The following KANK1 variants were observed in gnomAD, a reference collection of about 807,000 sequenced individuals.
The protein encoded by KANK1 is KN motif and ankyrin repeat domain-containing protein 1.
A neutral mutation model predicts 106.2 loss-of-function variants in KANK1; 109 were observed. The observed-to-expected ratio is 1.03, with a 90% CI of 0.88 to 1.20. The LOEUF (loss-of-function observed/expected upper bound fraction) is 1.20. Ranked by LOEUF, KANK1 falls within the 50% of genes most tolerant of loss-of-function variation. The pLI, the probability that KANK1 is intolerant of heterozygous loss-of-function variation, is 0.00. For missense variants in KANK1, 2,399 were observed against 1,710.7 expected (o/e 1.40, Z -7.10); for synonymous variants, 873 against 652.2 (o/e 1.34, Z -5.16).
chr9:742,757 A>C (rs1836009133), intron 10 of KANK1, among the ~76,000 whole-genome samples: 1 of 152,306 alleles, frequency 6.6e-6, no homozygotes, highest in East Asian at 1.9e-4. Flanking sequence ...TGACAGGTGC[A>C]CTTGGAAATC....
At chr9:679,859 A>G (rs531725172) in intron 2 of KANK1, among the ~76,000 whole-genome samples, 1 of 152,308 alleles carries the variant, frequency 6.6e-6, no homozygotes, top group South Asian at 2.1e-4. Context: ...GAATATGTTA[A>G]TAAAAATCAT....
At chr9:523,362 A>G (rs75406845) in intron 1 of KANK1, among the ~76,000 whole-genome samples, 3,825 of 151,770 alleles carry the variant, frequency 0.025, 288 homozygotes, top group African/African-American at 0.087. Context: ...ATATATGTAG[A>G]ATCTGCATCG....
chr9:605,708 T>C (rs1156821358), intron 1 of KANK1, among the ~76,000 whole-genome samples: 1 of 151,574 alleles, frequency 6.6e-6, no homozygotes, highest in Non-Finnish European at 1.5e-5. Flanking sequence ...ATAAGCATGA[T>C]CAGGCTGGGG....
intron 1 of KANK1, among the ~76,000 whole-genome samples, chr9:531,354 C>A (rs1056681417): frequency 5.4e-4 from 82 of 151,944 alleles, no homozygotes; most frequent in East Asian, 1.8e-3. Flanking sequence ...TTGCTTAAAC[C>A]CAGGAGGTGG....
At chr9:511,741 AC>A (rs1221116414) in intron 1 of KANK1, among the ~76,000 whole-genome samples, 3 of 152,062 alleles carry the variant, frequency 2.0e-5, no homozygotes, top group Non-Finnish European at 2.9e-5. Context: ...TAAAAACAAA[AC>A]TCATCATTCT....
At chr9:484,250 C>T (rs1454885162) in intron 3 of KANK1, 1 of 152,206 alleles carries the variant, frequency 6.6e-6, no homozygotes, top group Non-Finnish European at 1.5e-5. Flanking sequence ...TTTAAAAGTT[C>T]CCACCTTACA....
intron 2 of KANK1, among the ~76,000 whole-genome samples, chr9:683,781 A>G (rs2139165740): frequency 6.6e-6 from 1 of 152,198 alleles, no homozygotes; most frequent in African/African-American, 2.4e-5. Flanking sequence ...TTATTGCATC[A>G]TACAGCTTCA....
At chr9:470,464 A>G (rs1484559888) in intron 1 of KANK1, 1 of 152,518 alleles carries the variant, frequency 6.6e-6, no homozygotes, top group Non-Finnish European at 1.5e-5. Context: ...GGAACCAAGT[A>G]AAGTAAAATC....
At chr9:634,862 T>C (rs2361095) in intron 1 of KANK1, among the ~76,000 whole-genome samples, 143,563 of 152,272 alleles carry the variant, frequency 0.94, 67,789 homozygotes, top group African/African-American at 0.99. Flanking sequence ...AGGTTCTTAT[T>C]GTCACTTCAC....
intron 1 of KANK1, among the ~76,000 whole-genome samples, chr9:521,980 C>G (rs1176722370): frequency 6.6e-6 from 1 of 151,768 alleles, no homozygotes; most frequent in Non-Finnish European, 1.5e-5. Context: ...TCCCTTTTGC[C>G]TCTCTCAGTG....
At chr9:577,425 T>C (rs537265313) in intron 1 of KANK1, among the ~76,000 whole-genome samples, 10 of 152,112 alleles carry the variant, frequency 6.6e-5, no homozygotes, top group Non-Finnish European at 1.5e-4. Flanking sequence ...CGCTGATTGG[T>C]GCGTTTTTAC....
chr9:630,769 G>A (rs974546711), intron 1 of KANK1, among the ~76,000 whole-genome samples: 2 of 151,790 alleles, frequency 1.3e-5, no homozygotes, highest in African/African-American at 4.9e-5. Context: ...CAGGTGTGGT[G>A]GCAGGCGCCT....
At chr9:617,004 T>C (rs1832000732) in intron 1 of KANK1, among the ~76,000 whole-genome samples, 3 of 152,196 alleles carry the variant, frequency 2.0e-5, no homozygotes. Context: ...TAATGTAATC[T>C]ACCACATGTT....
chr9:741,870 C>T (rs1835669098), intron 9 of KANK1, among the ~76,000 whole-genome samples: 1 of 152,082 alleles, frequency 6.6e-6, no homozygotes, highest in Non-Finnish European at 1.5e-5. Flanking sequence ...CTGCCTGCCT[C>T]AGCCTCCCAA....
chr9:543,941 C>T (rs950772490), intron 1 of KANK1, among the ~76,000 whole-genome samples: 25 of 152,232 alleles, frequency 1.6e-4, no homozygotes, highest in African/African-American at 5.8e-4. Context: ...TTGTTTCCTA[C>T]CTACCTGGCT....
chr9:590,043 T>C (rs1824455026), intron 1 of KANK1, among the ~76,000 whole-genome samples: 1 of 152,146 alleles, frequency 6.6e-6, no homozygotes, highest in South Asian at 2.1e-4. Context: ...TGGAAACATT[T>C]CTTAATTGCT....
intron 1 of KANK1, among the ~76,000 whole-genome samples, chr9:541,217 G>C (rs1277578874): frequency 6.6e-6 from 1 of 152,134 alleles, no homozygotes; most frequent in African/African-American, 2.4e-5. Flanking sequence ...CATAGTAGTG[G>C]TGTAGAAACA....
intron 1 of KANK1, among the ~76,000 whole-genome samples, chr9:520,533 A>C (rs1296550360): frequency 6.6e-6 from 1 of 151,702 alleles, no homozygotes; most frequent in African/African-American, 2.4e-5. Flanking sequence ...AATGGGGGAT[A>C]TAATCCTCTT....
chr9:615,617 G>T lies in KANK1; in HGVS notation c.-83-61273G>T, dbSNP rs118029571. On this transcript the variant is annotated intron_variant, in intron 1 of 11. Transcript: ENST00000382297. The stretch of plus-strand genomic sequence containing the variant: ...AGTCAGTCCCATAGTATATCCTTTA[G>T]GTAAAGACTTAATTAATTGGTGTGC... 3.3e-3 allele frequency among the ~76,000 whole-genome samples: 500 copies of T among 152,242 alleles called. 3 individuals carry two copies. The highest frequency in any genetic ancestry group is 6.1e-3 in the Non-Finnish European group (417 of 68,030).
Sources: allele counts gnomAD v4.1 joint callset (sites outside exome capture counted in the v4.1 genomes callset), GRCh38; gene constraint gnomAD v4.1.1; transcripts MANE v1.5; gene names NCBI Gene and HGNC (gene_info 2026-07-23, HGNC 2026-07-21).